The following WDR43 variants were observed in gnomAD, a reference collection of about 807,000 sequenced individuals.
The protein encoded by WDR43 is WD repeat domain 43, also known as WD repeat-containing protein 43.
In WDR43, 13 loss-of-function variants were observed where a neutral mutation model predicts 91.4. The ratio of observed to expected loss-of-function variants is 0.14; its 90% CI spans 0.09 to 0.23. The LOEUF (loss-of-function observed/expected upper bound fraction) is 0.23. Among genes scored for constraint, WDR43 ranks in the 10% least tolerant of loss-of-function variants. WDR43 has a pLI of 1.00. For synonymous variants in WDR43, 331 were observed against 287.9 expected, an observed-to-expected ratio of 1.15 and a Z score of -1.51; for missense variants, 780 against 809.4, an observed-to-expected ratio of 0.96 and a Z score of 0.44.
intron 16 of WDR43, among the ~76,000 whole-genome samples, chr2:28,942,787 G>T (rs902505069): frequency 6.6e-6 from 1 of 151,440 alleles, no homozygotes; most frequent in Non-Finnish European, 1.5e-5. Flanking sequence ...GGCCAACTTT[G>T]GTATTTTTTT....
At chr2:28,923,258 G>A (rs906420609) in intron 7 of WDR43, among the ~76,000 whole-genome samples, 11 of 152,176 alleles carry the variant, frequency 7.2e-5, no homozygotes, top group African/African-American at 1.9e-4. Flanking sequence ...CTAAGCTGGA[G>A]AGATTCACTT....
chr2:28,931,527 A>C (rs1671244202), intron 11 of WDR43, among the ~76,000 whole-genome samples: 1 of 152,218 alleles, frequency 6.6e-6, no homozygotes, highest in East Asian at 1.9e-4. Flanking sequence ...TGCATACTGC[A>C]TCACTGTGGT....
intron 14 of WDR43, among the ~76,000 whole-genome samples, chr2:28,939,616 A>G (rs543825809): frequency 1.1e-4 from 17 of 152,336 alleles, no homozygotes; most frequent in Admixed American, 2.6e-4. Flanking sequence ...GCAATGTACC[A>G]AACACTCTGG....
chr2:28,922,878 A>G, intron 6 of WDR43, 41 bp from the exon 7 acceptor site: 3 of 1,556,130 alleles, frequency 1.9e-6, no homozygotes, highest in African/African-American at 1.4e-5. Flanking sequence ...GGACTGGAGT[A>G]TGTTATCCAT....
intron 4 of WDR43, among the ~76,000 whole-genome samples, chr2:28,913,191 T>A (rs879606116): frequency 3.3e-5 from 5 of 152,156 alleles, no homozygotes; most frequent in Non-Finnish European, 5.9e-5. Flanking sequence ...CCTGGCCTCG[T>A]GATCTGCCTG....
chr2:28,927,797 A>T (rs1671170730), intron 10 of WDR43, 97 bp downstream of exon 10: 1 of 1,485,446 alleles, frequency 6.7e-7, no homozygotes. Context: ...TTAAATCTTT[A>T]GAAATTTACT....
In WDR43 at chr2:28,913,834, A is replaced by G. The variant is rs1385702819; in HGVS notation, c.607-235A>G. The G allele has an allele frequency of 2.1e-5, 14 of 672,050 alleles. No individual in the cohort carries two copies. The Admixed American group carries it at 2.2e-4, about 11-fold the overall frequency. The allele number at this position is 672,050 out of a possible 1,614,324, so 41.6% of individuals were successfully genotyped here. ...AACAAAGGTGCGGAGTGGTAGGGTC[A>G]TGGGAGTTAGAAGGAACATCTAAAT... On this transcript the variant is annotated intron_variant, in intron 4 of 17. Transcript: ENST00000407426.
intron 1 of WDR43, 148 bp from the exon 2 acceptor site, chr2:28,901,839 A>T (rs1670582400): frequency 4.1e-6 from 3 of 729,136 alleles, no homozygotes; most frequent in Middle Eastern, 8.2e-4. Flanking sequence ...TTTCTTTTTG[A>T]AGTAGTGAGA....
chr2:28,927,470 C>A, intron 9 of WDR43, 99 bp from the exon 10 acceptor site: 1 of 1,361,576 alleles, frequency 7.3e-7, no homozygotes, highest in Non-Finnish European at 9.9e-7. Flanking sequence ...TTGCATTTTT[C>A]CAATAGAGGA....
At chr2:28,933,191 A>G (rs1440453014) in intron 11 of WDR43, among the ~76,000 whole-genome samples, 1 of 152,222 alleles carries the variant, frequency 6.6e-6, no homozygotes, top group Non-Finnish European at 1.5e-5. Flanking sequence ...TAACCAAAGA[A>G]ATGGTAAAAT....
At chr2:28,907,898 C>T (rs1349368221) in intron 3 of WDR43, among the ~76,000 whole-genome samples, 1 of 90,876 alleles carries the variant, frequency 1.1e-5, no homozygotes, top group Non-Finnish European at 2.6e-5. Flanking sequence ...AGCGAGACTC[C>T]GTCTCAAAAA....
At chr2:28,895,221 G>C in intron 1 of WDR43, 1 of 295,984 alleles carries the variant, frequency 3.4e-6, no homozygotes, top group Non-Finnish European at 6.2e-6. Context: ...AAGTCCCCTG[G>C]TCCCCCTGGG....
At position 28,910,678 on chromosome 2, in the gene WDR43, A is replaced by AATACATATAT. The variant is rs1553326528; in HGVS notation, c.486-1909_486-1908insCATATATATA. On this transcript the variant is annotated intron_variant, in intron 3 of 17. Transcript: ENST00000407426. ...CAGATAACGTGCGTGTGTGTGTGTA[A>AATACATATAT]ATATATATATATATATAATTATTAT... 8.4e-5 allele frequency among the ~76,000 whole-genome samples: 12 copies of AATACATATAT among 142,654 alleles called. No individual in the cohort carries two copies. In the East Asian group the frequency reaches 2.6e-3, roughly 31 times the overall value. 93.6% of individuals were successfully genotyped at this position (142,654 alleles called of 152,430 possible). A position where few individuals can be genotyped will look rare whatever the true frequency, so the allele number is the denominator to read the frequency against.
intron 7 of WDR43, among the ~76,000 whole-genome samples, chr2:28,923,662 A>G (rs892599552): frequency 2.6e-5 from 4 of 152,164 alleles, no homozygotes; most frequent in South Asian, 4.1e-4. Flanking sequence ...TCATTTCAAA[A>G]CACCCAGGAT....
At chr2:28,910,478 A>G (rs1670770857) in intron 3 of WDR43, among the ~76,000 whole-genome samples, 1 of 152,094 alleles carries the variant, frequency 6.6e-6, no homozygotes, top group Non-Finnish European at 1.5e-5. Context: ...TTTCGTGTTT[A>G]TCAACAATTT....
chr2:28,934,907 A>T (rs547803711), intron 11 of WDR43, among the ~76,000 whole-genome samples: 1 of 152,324 alleles, frequency 6.6e-6, no homozygotes, highest in South Asian at 2.1e-4. Flanking sequence ...TCTGTAAAGC[A>T]TGTGGGGCTT....
intron 10 of WDR43, among the ~76,000 whole-genome samples, chr2:28,928,467 G>T (rs966152803): frequency 2.6e-5 from 4 of 152,010 alleles, no homozygotes; most frequent in Non-Finnish European, 5.9e-5. Flanking sequence ...AAAATAAAGC[G>T]CCAACTTTCT....
At chr2:28,915,733 G>A (rs943374341) in intron 5 of WDR43, among the ~76,000 whole-genome samples, 1 of 152,138 alleles carries the variant, frequency 6.6e-6, no homozygotes, top group African/African-American at 2.4e-5. Context: ...AACATTCGAA[G>A]GCTTCTTGCT....
rs1452099616 is a variant in WDR43, at chr2:28,923,093, T to C, written c.914+110T>C. 11 of 924,090 alleles carry C rather than the reference T, an allele frequency of 1.2e-5. No homozygotes were observed. In the East Asian group the frequency reaches 2.4e-4, roughly 20 times the overall value. The allele number at this position is 924,090 out of a possible 1,614,324, so 57.2% of individuals were successfully genotyped here. A position where few individuals can be genotyped will look rare whatever the true frequency, so the allele number is the denominator to read the frequency against. ...ATCATATTACTATTCAGCCAGATTA[T>C]TTTGAAAGCATTTTTCTTTATCCAC... On this transcript the variant is annotated intron_variant, in intron 7 of 17. Coordinates refer to ENST00000407426, the MANE Select transcript of WDR43 (RefSeq NM_015131.3).
Sources: allele counts gnomAD v4.1 joint callset (sites outside exome capture counted in the v4.1 genomes callset), GRCh38; gene constraint gnomAD v4.1.1; transcripts MANE v1.5; gene names NCBI Gene and HGNC (gene_info 2026-07-23, HGNC 2026-07-21).